The following ATPAF1 variants were observed in gnomAD, a reference collection of about 807,000 sequenced individuals.
The protein encoded by ATPAF1 is homolog of yeast ATP11.
ATPAF1 carries 26 observed loss-of-function variants against 43.9 expected under a neutral mutation model. The observed-to-expected ratio is 0.59, with a 90% CI of 0.43 to 0.82. ATPAF1 has a LOEUF of 0.82. Among genes scored for constraint, ATPAF1 ranks in the 40% least tolerant of loss-of-function variants. The probability of loss-of-function intolerance (pLI) is 0.00; values close to 1 mark genes in which losing one functional copy is unlikely to be tolerated. For synonymous variants in ATPAF1, 157 were observed against 168.0 expected (o/e 0.93, Z 0.50); for missense variants, 366 against 435.0 (o/e 0.84, Z 1.41).
chr1:46,636,366 A>T (rs770800111), intron 8 of ATPAF1, among the ~76,000 whole-genome samples: 4 of 152,200 alleles, frequency 2.6e-5, no homozygotes, highest in Non-Finnish European at 5.9e-5. Flanking sequence ...ATATATTTCA[A>T]GGGGGGAATA....
In ATPAF1 at chr1:46,645,162, T is replaced by A. The variant is rs200593669; in HGVS notation, c.683A>T (p.Gln228Leu). The A allele has an allele frequency of 2.5e-4, 397 of 1,611,594 alleles. No individual in the cohort carries two copies. Among genetic ancestry groups the A allele is most frequent in the Non-Finnish European group, 3.1e-4 (365 of 1,178,042 alleles). The change falls in exon 7 of 9, where the codon CAG (glutamine) becomes CTG (leucine). Residue 228 changes from glutamine to leucine, a missense_variant and splice_region_variant. Around this residue, in one of 2 missense-constraint regions of ATPAF1, gnomAD observed 180 missense variants for 266.5 expected, o/e 0.68. Transcript: ENST00000574428. ...AGAGGAAGGGCACAAGCCACCTACC[T>A]GAATATTTATAAGTGCAGTGAAGTG...
intron 7 of ATPAF1, among the ~76,000 whole-genome samples, chr1:46,644,889 C>T (rs986013232): frequency 1.3e-5 from 2 of 152,260 alleles, no homozygotes; most frequent in South Asian, 2.1e-4. Context: ...TTAAGTGAGG[C>T]ACATGCAGTA....
intron 6 of ATPAF1, among the ~76,000 whole-genome samples, chr1:46,651,052 GGTTA>G (rs749954183): frequency 6.6e-5 from 10 of 152,012 alleles, no homozygotes; most frequent in South Asian, 2.1e-4. Flanking sequence ...ACAATGTGCA[GGTTA>G]GTTACATATG....
intron 8 of ATPAF1, 104 bp from the exon 9 acceptor site, chr1:46,636,074 C>T (rs769243106): frequency 3.0e-6 from 4 of 1,320,072 alleles, no homozygotes; most frequent in African/African-American, 2.9e-5. Flanking sequence ...GTCACCACTT[C>T]CAGAAAGTTT....
chr1:46,641,920 G>A (rs996505984), intron 8 of ATPAF1, among the ~76,000 whole-genome samples: 28 of 152,206 alleles, frequency 1.8e-4, no homozygotes, highest in African/African-American at 6.5e-4. Flanking sequence ...TCTGTATGCT[G>A]ACAACTCCCA....
chr1:46,645,366 ATTTT>A (rs1484908025), intron 6 of ATPAF1, 110 bp from the exon 7 acceptor site: 2 of 857,452 alleles, frequency 2.3e-6, no homozygotes, highest in Non-Finnish European at 3.6e-6. Flanking sequence ...TTTTTAAAAT[ATTTT>A]TTTATTTTTT....
intron 8 of ATPAF1, 117 bp from the exon 9 acceptor site, chr1:46,636,087 T>A (rs768168728): frequency 1.7e-6 from 2 of 1,183,530 alleles, no homozygotes; most frequent in Admixed American, 3.5e-5. Context: ...GAAAGTTTCC[T>A]TAACTTCTTG....
intron 2 of ATPAF1, among the ~76,000 whole-genome samples, chr1:46,662,752 A>C (rs1283616012): frequency 6.6e-6 from 1 of 152,122 alleles, no homozygotes; most frequent in Non-Finnish European, 1.5e-5. Flanking sequence ...ATCCTGTTCT[A>C]ATTAACTCAA....
At chr1:46,651,671 G>A in intron 6 of ATPAF1, among the ~76,000 whole-genome samples, 1 of 152,052 alleles carries the variant, frequency 6.6e-6, no homozygotes, top group Non-Finnish European at 1.5e-5. Context: ...GTTGTTTCCT[G>A]ACTTTTTAAT....
At chr1:46,652,275 T>C (rs781569844) in intron 6 of ATPAF1, 9 of 237,122 alleles carry the variant, frequency 3.8e-5, no homozygotes, top group Admixed American at 5.4e-5. Context: ...CTTGTACCGA[T>C]AGATTAAGAT....
intron 6 of ATPAF1, among the ~76,000 whole-genome samples, chr1:46,650,225 C>T (rs1368948426): frequency 6.6e-6 from 1 of 151,726 alleles, no homozygotes; most frequent in Non-Finnish European, 1.5e-5. Context: ...GGCATCTCAG[C>T]CCAGTTTGAA....
At chr1:46,643,420 G>C in intron 7 of ATPAF1, 119 bp from the exon 8 acceptor site, 1 of 697,826 alleles carries the variant, frequency 1.4e-6, no homozygotes, top group Non-Finnish European at 2.4e-6. Context: ...GGTGGCTAGT[G>C]AGTTGGAGGA....
At chr1:46,661,614 T>C (rs1676388524) in intron 2 of ATPAF1, among the ~76,000 whole-genome samples, 1 of 152,212 alleles carries the variant, frequency 6.6e-6, no homozygotes, top group African/African-American at 2.4e-5. Context: ...TACATACAGG[T>C]AGGTTATATT....
chr1:46,665,907 A>ATGTGTTCTGTTGTTT, intron 1 of ATPAF1: 1 of 1,368,134 alleles, frequency 7.3e-7, no homozygotes, highest in Non-Finnish European at 9.5e-7. Context: ...AGATGAAACA[A>ATGTGTTCTGTTGTTT]CAGAACACAT....
intron 6 of ATPAF1, among the ~76,000 whole-genome samples, chr1:46,651,872 G>A (rs1676175823): frequency 6.6e-6 from 1 of 151,918 alleles, no homozygotes. Context: ...GTGGGCAAAG[G>A]AAATGAACAG....
chr1:46,651,373 C>T (rs958168036), intron 6 of ATPAF1, among the ~76,000 whole-genome samples: 62 of 152,074 alleles, frequency 4.1e-4, no homozygotes, highest in Non-Finnish European at 4.4e-4. Flanking sequence ...TGTATATGTG[C>T]CACATTTTCT....
chr1:46,643,322 C>T, intron 7 of ATPAF1, 21 bp from the exon 8 acceptor site: 1 of 1,568,674 alleles, frequency 6.4e-7, no homozygotes, highest in South Asian at 1.1e-5. Flanking sequence ...GAACACTTAT[C>T]AAGGCTCAAT....
chr1:46,646,538 A>C (rs1676048600), intron 6 of ATPAF1, among the ~76,000 whole-genome samples: 1 of 152,242 alleles, frequency 6.6e-6, no homozygotes, highest in Non-Finnish European at 1.5e-5. Flanking sequence ...GTGCCAGAAC[A>C]AAACAAAAGT....
At chr1:46,634,377 C>T (rs1258068), downstream of ATPAF1, 132,593 of 153,972 alleles carry the variant, frequency 0.86, 59,441 homozygotes, top group Non-Finnish European at 0.99. Context: ...CTTTGGGAGG[C>T]CAAGGTGGTG....
Sources: allele counts gnomAD v4.1 joint callset (sites outside exome capture counted in the v4.1 genomes callset), GRCh38; gene constraint gnomAD v4.1.1; regional missense constraint gnomAD v4.1.1; transcripts MANE v1.5; gene names NCBI Gene and HGNC (gene_info 2026-07-23, HGNC 2026-07-21).